The following ZNF654 variants were observed in gnomAD, a reference collection of about 807,000 sequenced individuals.
ZNF654 encodes the protein melanoma-associated antigen.
A neutral mutation model predicts 95.3 loss-of-function variants in ZNF654; 19 were observed. That is an observed-to-expected ratio of 0.20 (90% confidence interval 0.14 to 0.29). The LOEUF (loss-of-function observed/expected upper bound fraction) is 0.29, where lower values mean the gene tolerates loss of function less well. Among genes scored for constraint, ZNF654 ranks in the 10% least tolerant of loss-of-function variants. The probability of loss-of-function intolerance (pLI) is 1.00; values close to 1 mark genes in which losing one functional copy is unlikely to be tolerated. For synonymous variants in ZNF654, 413 were observed against 457.9 expected (o/e 0.90, Z 1.25); for missense variants, 1,046 against 1,341.0 (o/e 0.78, Z 3.44).
chr3:88,059,578 C>G (rs1450831247), intron 1 of ZNF654, 73 bp downstream of exon 1: 49 of 1,442,088 alleles, frequency 3.4e-5, no homozygotes, highest in Non-Finnish European at 4.3e-5. Context: ...GTCTTCTCGT[C>G]CATGAATCTG....
In ZNF654 at chr3:88,113,212, C is replaced by A; in HGVS notation, c.414+16C>A. 6.8e-7 allele frequency: 1 copy of A among 1,472,028 alleles called. No homozygotes were observed. The highest frequency in any genetic ancestry group is 9.2e-7 in the Non-Finnish European group (1 of 1,091,480). The allele number at this position is 1,472,028 out of a possible 1,614,324, so 91.2% of individuals were successfully genotyped here. A position where few individuals can be genotyped will look rare whatever the true frequency, so the allele number is the denominator to read the frequency against. On this transcript the variant is annotated intron_variant, in intron 3 of 8. Coordinates refer to ENST00000636215, the MANE Select transcript of ZNF654 (RefSeq NM_001350134.2). ...ATCATTCCAGGTAAAAAACAGTTTA[C>A]TACTTCACACTTTGTCTACACTTAA...
chr3:88,140,869 G>A lies in ZNF654; in HGVS notation c.3200G>A (p.Arg1067Lys), dbSNP rs1444135968. ...CGGTATCTTAGTATGCCAAAACGCA[G>A]AAAATTTCTGACTGATAGAGTAGAT... is the stretch of plus-strand genomic sequence containing the variant. ...DERYLSMPKR[R>K]KFLTDRVDAC... Residue 1067 changes from arginine to lysine, a missense_variant, in exon 8 of 9, where the codon AGA becomes AAA. Arg to Lys is a conservative substitution (Grantham distance 26). Coordinates refer to ENST00000636215, the MANE Select transcript of ZNF654 (RefSeq NM_001350134.2). 1 of 1,613,598 alleles carries A rather than the reference G, an allele frequency of 6.2e-7. No homozygotes were observed. Among genetic ancestry groups the A allele is most frequent in the Admixed American group, 1.7e-5 (1 of 59,976 alleles).
At chr3:88,120,217 A>T (rs1705685069) in intron 3 of ZNF654, among the ~76,000 whole-genome samples, 2 of 152,198 alleles carry the variant, frequency 1.3e-5, no homozygotes, top group African/African-American at 2.4e-5. Context: ...AGGTTTATAG[A>T]AGCAGAATGA....
chr3:88,113,310 GGTGACA>G, intron 3 of ZNF654, 114 bp downstream of exon 3: 7 of 576,146 alleles, frequency 1.2e-5, no homozygotes, highest in Non-Finnish European at 2.0e-5. Flanking sequence ...TGATTGCTAA[GGTGACA>G]GTGTTTAAGA....
At chr3:88,094,953 A>ATG (rs1703973763) in intron 2 of ZNF654, among the ~76,000 whole-genome samples, 1 of 152,140 alleles carries the variant, frequency 6.6e-6, no homozygotes. Flanking sequence ...GCTTCTTACA[A>ATG]AGAAAACTTA....
chr3:88,126,090 A>G, intron 3 of ZNF654, 44 bp from the exon 4 acceptor site: 1 of 1,414,584 alleles, frequency 7.1e-7, no homozygotes. Flanking sequence ...TTTAGTTTTT[A>G]ACCCCTTTAA....
At chr3:88,101,171 A>T (rs1704399608) in intron 2 of ZNF654, among the ~76,000 whole-genome samples, 2 of 152,266 alleles carry the variant, frequency 1.3e-5, no homozygotes, top group South Asian at 2.1e-4. Context: ...TCAGTTTATA[A>T]TTCAGTGATT....
At chr3:88,134,542 T>C (rs1439333990) in intron 6 of ZNF654, among the ~76,000 whole-genome samples, 1 of 152,058 alleles carries the variant, frequency 6.6e-6, no homozygotes, top group Non-Finnish European at 1.5e-5. Context: ...GTTCAAATGG[T>C]CCATAACCTG....
intron 2 of ZNF654, among the ~76,000 whole-genome samples, chr3:88,103,907 C>T (rs904592015): frequency 3.3e-5 from 5 of 151,704 alleles, no homozygotes; most frequent in African/African-American, 1.2e-4. Flanking sequence ...GCTGGGATTA[C>T]AGGTGCCCGC....
At chr3:88,104,929 G>A (rs13067419) in intron 2 of ZNF654, among the ~76,000 whole-genome samples, 119,240 of 152,204 alleles carry the variant, frequency 0.78, 47,628 homozygotes, top group South Asian at 0.91. Flanking sequence ...ACTTCAGGCC[G>A]GAAGTTTGAG....
intron 6 of ZNF654, among the ~76,000 whole-genome samples, chr3:88,131,736 G>A (rs1706477968): frequency 6.6e-6 from 1 of 152,062 alleles, no homozygotes; most frequent in Non-Finnish European, 1.5e-5. Flanking sequence ...CGTGGGTTAT[G>A]ATGGCCTACC....
chr3:88,129,067 CA>C (rs1230811728), intron 5 of ZNF654, 56 bp downstream of exon 5: 51,467 of 942,184 alleles, frequency 0.055, no homozygotes, highest in South Asian at 0.091. Context: ...AAAAAAAAAC[CA>C]AAAAAAAAAA....
chr3:88,129,090 T>C, intron 5 of ZNF654, 79 bp downstream of exon 5: 1 of 1,056,056 alleles, frequency 9.5e-7, no homozygotes, highest in Middle Eastern at 2.2e-4. Context: ...TAGCCCACTG[T>C]TGTTGTTAAA....
chr3:88,076,835 A>T (rs1350818617), intron 1 of ZNF654, among the ~76,000 whole-genome samples: 1 of 152,214 alleles, frequency 6.6e-6, no homozygotes, highest in South Asian at 2.1e-4. Context: ...ATGACCTGCT[A>T]TTCATAAGAG....
At position 88,086,134 on chromosome 3, in the gene ZNF654, T is replaced by A. The variant is rs539616740; in HGVS notation, c.187-123T>A. On this transcript the variant is annotated intron_variant, in intron 1 of 8. Transcript: ENST00000636215. ...ATAAACAGTATAGAAGATCCCTCCCTCCAGTCACCTGTGTTCATGCCGATC... is the reference window on the plus strand; with the variant it reads ...ATAAACAGTATAGAAGATCCCTCCCACCAGTCACCTGTGTTCATGCCGATC... The A allele has an allele frequency of 8.9e-4, 670 of 751,602 alleles. 5 individuals are homozygous for A. In the African/African-American group the frequency reaches 0.011, roughly 12 times the overall value. The allele number at this position is 751,602 out of a possible 1,614,324, so 46.6% of individuals were successfully genotyped here. A position where few individuals can be genotyped will look rare whatever the true frequency, so the allele number is the denominator to read the frequency against.
chr3:88,076,156 C>T (rs1046153534), intron 1 of ZNF654, among the ~76,000 whole-genome samples: 5 of 152,130 alleles, frequency 3.3e-5, no homozygotes, highest in Non-Finnish European at 1.5e-5. Context: ...TTTTATATTA[C>T]TTGTATAGTA....
intron 2 of ZNF654, among the ~76,000 whole-genome samples, chr3:88,101,782 A>G (rs192242329): frequency 5.3e-5 from 8 of 152,200 alleles, no homozygotes; most frequent in Admixed American, 4.6e-4. Context: ...ATTCTAACCA[A>G]TTTCTTATGG....
chr3:88,083,969 A>ATAT (rs1708217409), intron 1 of ZNF654, among the ~76,000 whole-genome samples: 1 of 108,848 alleles, frequency 9.2e-6, no homozygotes, highest in African/African-American at 3.2e-5. Flanking sequence ...ATATATATAG[A>ATAT]AAATATTTCA....
At chr3:88,067,731 T>C (rs540220392) in intron 1 of ZNF654, among the ~76,000 whole-genome samples, 1 of 152,246 alleles carries the variant, frequency 6.6e-6, no homozygotes, top group African/African-American at 2.4e-5. Flanking sequence ...CAGAGCTGTT[T>C]TGGTGTAGTG....
Sources: gnomAD v4.1 joint callset for allele counts (sites outside exome capture counted in the v4.1 genomes callset) on GRCh38, gnomAD v4.1.1 for gene constraint, MANE v1.5 for transcripts, NCBI Gene and HGNC (gene_info 2026-07-23, HGNC 2026-07-21) for gene names.